Variants in TGFBRAP1 observed in about 807,000 individuals in gnomAD.
The protein encoded by TGFBRAP1 is transforming growth factor beta receptor associated protein 1, also known as transforming growth factor-beta receptor-associated protein 1.
A neutral mutation model predicts 83.2 loss-of-function variants in TGFBRAP1; 20 were observed. That is an observed-to-expected ratio of 0.24 (90% confidence interval 0.17 to 0.35). The LOEUF is 0.35. TGFBRAP1 is among the 10% of genes least tolerant of loss of function. The probability of loss-of-function intolerance (pLI) is 1.00; values close to 1 mark genes in which losing one functional copy is unlikely to be tolerated. For missense variants in TGFBRAP1, 950 were observed against 1,099.4 expected (o/e 0.86, Z 1.92); for synonymous variants, 415 against 459.8 (o/e 0.90, Z 1.25).
chr2:105,308,286 C>G lies in TGFBRAP1; in HGVS notation c.16G>C (p.Ala6Pro). The change falls in exon 2 of 12, where the codon GCC becomes CCC. Residue 6 changes from alanine to proline, a missense_variant. Coordinates refer to ENST00000393359, the MANE Select transcript of TGFBRAP1 (RefSeq NM_004257.6). Reference protein sequence around the residue: MMSIKAFTLVSAVERE... With the variant: MMSIKPFTLVSAVERE... ...TCCACAGCAGAGACAAGCGTAAAGGCTTTGATGCTCATCATGTCTACTGGC... is the reference window on the plus strand; with the variant it reads ...TCCACAGCAGAGACAAGCGTAAAGGGTTTGATGCTCATCATGTCTACTGGC... 1 of 1,609,224 alleles carries G rather than the reference C, an allele frequency of 6.2e-7. No individual in the cohort carries two copies. Among genetic ancestry groups the G allele is most frequent in the Non-Finnish European group, 8.5e-7 (1 of 1,175,964 alleles).
At chr2:105,292,888 C>T (rs1222496108) in intron 4 of TGFBRAP1, among the ~76,000 whole-genome samples, 2 of 151,930 alleles carry the variant, frequency 1.3e-5, no homozygotes, top group African/African-American at 4.8e-5. Context: ...AACAAATGAA[C>T]CTAACTACAT....
intron 4 of TGFBRAP1, among the ~76,000 whole-genome samples, chr2:105,294,307 GGTGTGTGT>G (rs3060066): frequency 6.1e-5 from 9 of 147,990 alleles, no homozygotes; most frequent in South Asian, 4.3e-4. Flanking sequence ...TAGGAGTGAG[GGTGTGTGT>G]GTGTGTGTGT....
At chr2:105,315,871 T>G (rs1247723122) in intron 1 of TGFBRAP1, among the ~76,000 whole-genome samples, 1 of 152,152 alleles carries the variant, frequency 6.6e-6, no homozygotes, top group Non-Finnish European at 1.5e-5. Context: ...TATATCTATA[T>G]CCACAAAAAG....
chr2:105,255,715 C>T, the TGFBRAP1 span, among the ~76,000 whole-genome samples: 117 of 152,278 alleles, frequency 7.7e-4, no homozygotes, highest in African/African-American at 2.7e-3. Context: ...CCACCTGTGC[C>T]AATCACCCCA....
At chr2:105,316,360 C>T (rs950570838) in intron 1 of TGFBRAP1, among the ~76,000 whole-genome samples, 18 of 150,498 alleles carry the variant, frequency 1.2e-4, no homozygotes, top group Admixed American at 2.6e-4. Flanking sequence ...AAAAATTCCC[C>T]TACCTGATCC....
intron 1 of TGFBRAP1, among the ~76,000 whole-genome samples, chr2:105,316,458 TGTGTGCGCGC>T (rs771742859): frequency 5.4e-4 from 36 of 67,072 alleles, no homozygotes; most frequent in Admixed American, 1.3e-3. Context: ...TGTGTGTGTG[TGTGTGCGCGC>T]GCGCGCGCGC....
At chr2:105,325,046 C>T (rs1023955278) in intron 1 of TGFBRAP1, 5 of 152,448 alleles carry the variant, frequency 3.3e-5, no homozygotes, top group African/African-American at 1.2e-4. Flanking sequence ...CTGTGTGCTT[C>T]TCCTATACCA....
At chr2:105,316,483 GCGCA>G in intron 1 of TGFBRAP1, among the ~76,000 whole-genome samples, 2 of 80,436 alleles carry the variant, frequency 2.5e-5, no homozygotes, top group African/African-American at 6.9e-5. Flanking sequence ...GCGCGCGCAC[GCGCA>G]CATAACTCAA....
chr2:105,298,640 C>T lies in TGFBRAP1; in HGVS notation c.754G>A (p.Gly252Arg), dbSNP rs766076265. 39 of 1,613,892 alleles carry T rather than the reference C, an allele frequency of 2.4e-5. No individual in the cohort carries two copies. Among genetic ancestry groups the T allele is most frequent in the South Asian group, 5.5e-5 (5 of 91,044 alleles). Residue 252 changes from glycine (G) to arginine (R), a missense_variant, in exon 3 of 12, where the codon GGG becomes AGG. Coordinates refer to ENST00000393359, the MANE Select transcript of TGFBRAP1 (RefSeq NM_004257.6). Reference sequence around the variant, plus strand: ...ACGTATGGAAAGGACACAGCCGCCCCAATCACATTCTCCGACCAGTGCACG... The same window carrying T: ...ACGTATGGAAAGGACACAGCCGCCCTAATCACATTCTCCGACCAGTGCACG... ...APVHWSENVI[G>R]AAVSFPYVIA...
At chr2:105,257,105 A>C in the TGFBRAP1 span, among the ~76,000 whole-genome samples, 1 of 152,208 alleles carries the variant, frequency 6.6e-6, no homozygotes, top group African/African-American at 2.4e-5. Flanking sequence ...TGGAGTAACC[A>C]TTCTTTTATT....
intron 8 of TGFBRAP1, among the ~76,000 whole-genome samples, chr2:105,274,340 T>C (rs1573162192): frequency 6.6e-6 from 1 of 152,352 alleles, no homozygotes; most frequent in South Asian, 2.1e-4. Context: ...AGCACTTACA[T>C]GTGGGAGGTT....
intron 1 of TGFBRAP1, among the ~76,000 whole-genome samples, chr2:105,309,761 C>T (rs1327789976): frequency 6.6e-6 from 1 of 152,154 alleles, no homozygotes; most frequent in Non-Finnish European, 1.5e-5. Context: ...TTACTTGGTG[C>T]TATGGTCAGA....
At chr2:105,304,417 GC>G (rs1678417050) in intron 2 of TGFBRAP1, among the ~76,000 whole-genome samples, 1 of 152,168 alleles carries the variant, frequency 6.6e-6, no homozygotes, top group Non-Finnish European at 1.5e-5. Flanking sequence ...ATGTGGCTGG[GC>G]TAAAGAATGT....
At chr2:105,252,914 G>A in the TGFBRAP1 span, among the ~76,000 whole-genome samples, 3 of 151,270 alleles carry the variant, frequency 2.0e-5, no homozygotes, top group Non-Finnish European at 2.9e-5. Context: ...CACCACACCC[G>A]GACAATTTTT....
rs1358523060 is a variant in TGFBRAP1 at position 105,265,938 on chromosome 2, T to C, written c.*1445A>G. 6.6e-6 allele frequency: 1 copy of C among 152,242 alleles called. No homozygotes were observed. Among genetic ancestry groups the C allele is most frequent in the African/African-American group, 2.4e-5 (1 of 41,468 alleles). 9.4% of individuals were successfully genotyped at this position (152,242 alleles called of 1,614,324 possible). ...CCCACCTCAGTAAGGCTTGGGCTGA[T>C]GAAGAGAGGGTGTATTCAGGGTCCT... is the stretch of plus-strand genomic sequence containing the variant. On this transcript the variant is annotated 3_prime_UTR_variant, in exon 12 of 12. Transcript: ENST00000393359.
intron 5 of TGFBRAP1, among the ~76,000 whole-genome samples, chr2:105,283,123 A>G (rs184145533): frequency 6.6e-6 from 1 of 152,212 alleles, no homozygotes; most frequent in Admixed American, 6.5e-5. Context: ...ATACGGCAGA[A>G]AAGAGCCTAG....
intron 1 of TGFBRAP1, among the ~76,000 whole-genome samples, chr2:105,319,655 G>A (rs1678995427): frequency 1.4e-5 from 2 of 142,004 alleles, no homozygotes; most frequent in African/African-American, 5.2e-5. Context: ...TCATGCCACT[G>A]CACTCCAGCC....
chr2:105,261,171 A>C (rs539061151), downstream of TGFBRAP1, among the ~76,000 whole-genome samples: 65 of 152,250 alleles, frequency 4.3e-4, no homozygotes, highest in African/African-American at 1.5e-3. Flanking sequence ...GGAGTGAGGG[A>C]GGGTAGGCCA....
chr2:105,263,008 C>G (rs1244007611), downstream of TGFBRAP1, among the ~76,000 whole-genome samples: 1 of 152,186 alleles, frequency 6.6e-6, no homozygotes, highest in African/African-American at 2.4e-5. Flanking sequence ...TAGTTAATAT[C>G]TAATTACTCT....
Sources: allele counts gnomAD v4.1 joint callset (sites outside exome capture counted in the v4.1 genomes callset), GRCh38; gene constraint gnomAD v4.1.1; transcripts MANE v1.5; gene names NCBI Gene and HGNC (gene_info 2026-07-23, HGNC 2026-07-21).